RAI14: variants seen among roughly 807,000 people sequenced by gnomAD.
RAI14 encodes the protein retinoic acid induced 14, also known as ankycorbin.
Under a neutral mutation model 115.4 loss-of-function variants are expected in RAI14, and 45 were observed. The observed-to-expected ratio is 0.39, with a 90% CI of 0.31 to 0.50. The LOEUF is 0.50. RAI14 is among the 20% of genes least tolerant of loss of function. The probability of loss-of-function intolerance (pLI) is 0.85; values close to 1 mark genes in which losing one functional copy is unlikely to be tolerated. For missense variants in RAI14, 939 were observed against 1,131.2 expected (o/e 0.83, Z 2.44); for synonymous variants, 371 against 415.4 (o/e 0.89, Z 1.30).
intron 2 of RAI14, among the ~76,000 whole-genome samples, chr5:34,706,395 G>C (rs1035790122): frequency 1.3e-5 from 2 of 152,052 alleles, no homozygotes; most frequent in African/African-American, 4.8e-5. Context: ...TTCTTAAAAG[G>C]TAAATATAAA....
chr5:34,828,174 G>A (rs1757637359), intron 16 of RAI14, among the ~76,000 whole-genome samples: 1 of 152,156 alleles, frequency 6.6e-6, no homozygotes, highest in African/African-American at 2.4e-5. Flanking sequence ...TAGGGGTTGG[G>A]GGAAGCCTGA....
chr5:34,760,834 T>G (rs1015859141), intron 3 of RAI14, among the ~76,000 whole-genome samples: 2 of 152,224 alleles, frequency 1.3e-5, no homozygotes, highest in Non-Finnish European at 2.9e-5. Context: ...TGTCACTTTC[T>G]AGTTCTAGAA....
At chr5:34,758,183 A>G (rs1225052973) in intron 3 of RAI14, among the ~76,000 whole-genome samples, 1 of 152,064 alleles carries the variant, frequency 6.6e-6, no homozygotes, top group Non-Finnish European at 1.5e-5. Context: ...TCTCACAGGA[A>G]CTCTATCACT....
intron 2 of RAI14, among the ~76,000 whole-genome samples, chr5:34,725,034 G>GGA (rs148539202): frequency 6.6e-6 from 1 of 151,374 alleles, no homozygotes; most frequent in Non-Finnish European, 1.5e-5. Context: ...AGAAGCCATT[G>GGA]GAGAGAGAGA....
At chr5:34,706,850 T>C (rs191629055) in intron 2 of RAI14, among the ~76,000 whole-genome samples, 1 of 152,224 alleles carries the variant, frequency 6.6e-6, no homozygotes, top group Admixed American at 6.5e-5. Flanking sequence ...TCATGAAAAA[T>C]AGCCCTTTTC....
At chr5:34,775,068 T>C (rs1352796597) in intron 3 of RAI14, among the ~76,000 whole-genome samples, 1 of 152,114 alleles carries the variant, frequency 6.6e-6, no homozygotes, top group Non-Finnish European at 1.5e-5. Context: ...TCTCCATATA[T>C]AGAAGAATGA....
chr5:34,683,949 G>A (rs540160715), intron 1 of RAI14, among the ~76,000 whole-genome samples: 1 of 152,086 alleles, frequency 6.6e-6, no homozygotes, highest in Non-Finnish European at 1.5e-5. Flanking sequence ...GGATGATCTC[G>A]ATTTCCTGAC....
At chr5:34,740,059 TTAAAA>T (rs1389424519) in intron 2 of RAI14, among the ~76,000 whole-genome samples, 4 of 151,920 alleles carry the variant, frequency 2.6e-5, no homozygotes, top group African/African-American at 9.7e-5. Context: ...TCTCAAAAAA[TTAAAA>T]TAAAAGCTAC....
intron 1 of RAI14, among the ~76,000 whole-genome samples, chr5:34,677,397 C>T (rs557721979): frequency 2.1e-4 from 32 of 152,054 alleles, no homozygotes; most frequent in African/African-American, 6.8e-4. Flanking sequence ...CTTCTGCACC[C>T]GCCTTGCCCT....
rs865861794 is a variant in RAI14, at chr5:34,824,104, T to A, written c.2262T>A (p.Leu754=). 1 of 1,613,928 alleles carries A rather than the reference T, an allele frequency of 6.2e-7. No homozygotes were observed. The highest frequency in any genetic ancestry group is 8.5e-7 in the Non-Finnish European group (1 of 1,179,988). Residue 754 remains leucine (L), a synonymous_variant, in exon 15 of 18, where the codon CTT becomes CTA. Transcript: ENST00000265109. ...AGATGGAAGAAAAAATAAGCAATCT[T>A]AAGGAACACCTTGCAAGCAAGGAAG... ...AKEMEEKISN[L]KEHLASKEVE... is the part of the protein sequence containing the mutation.
chr5:34,681,244 G>T (rs1744358700), intron 1 of RAI14, among the ~76,000 whole-genome samples: 1 of 152,166 alleles, frequency 6.6e-6, no homozygotes, highest in African/African-American at 2.4e-5. Context: ...CATTTTTGTT[G>T]CAGAGAGATT....
intron 7 of RAI14, 109 bp downstream of exon 7, chr5:34,808,763 G>A (rs1328163679): frequency 1.9e-5 from 19 of 1,012,664 alleles, no homozygotes; most frequent in Non-Finnish European, 2.7e-5. Context: ...CAACCTTTTT[G>A]GCATCAGGGG....
chr5:34,753,782 CAT>C (rs1747477234), intron 2 of RAI14, among the ~76,000 whole-genome samples: 2 of 152,082 alleles, frequency 1.3e-5, no homozygotes, highest in Admixed American at 6.6e-5. Context: ...GGCGTGGTGG[CAT>C]GTGCCTGTAG....
At chr5:34,699,981 C>T (rs1739841760) in intron 2 of RAI14, among the ~76,000 whole-genome samples, 1 of 151,946 alleles carries the variant, frequency 6.6e-6, no homozygotes, top group South Asian at 2.1e-4. Flanking sequence ...GCTTCTGGTG[C>T]TAGAGATAAG....
At chr5:34,744,044 G>A (rs191275966) in intron 2 of RAI14, among the ~76,000 whole-genome samples, 3 of 152,330 alleles carry the variant, frequency 2.0e-5, no homozygotes, top group East Asian at 3.9e-4. Context: ...GATACTTCAT[G>A]TGAAATGTGT....
intron 2 of RAI14, among the ~76,000 whole-genome samples, chr5:34,703,554 A>G (rs1251999009): frequency 6.6e-6 from 1 of 152,210 alleles, no homozygotes; most frequent in Admixed American, 6.5e-5. Flanking sequence ...AGATATAAAC[A>G]AGGGTGAGAA....
intron 3 of RAI14, among the ~76,000 whole-genome samples, chr5:34,767,048 C>T (rs1373599442): frequency 6.6e-6 from 1 of 152,168 alleles, no homozygotes; most frequent in Admixed American, 6.5e-5. Context: ...TGAGGCCTCC[C>T]CAGCCATGTG....
chr5:34,680,570 A>G (rs1354383039), intron 1 of RAI14, among the ~76,000 whole-genome samples: 2 of 152,202 alleles, frequency 1.3e-5, no homozygotes, highest in Admixed American at 6.5e-5. Context: ...TCTGGAGGAC[A>G]CATTCACACC....
At chr5:34,803,477 A>G (rs1299676055) in intron 4 of RAI14, among the ~76,000 whole-genome samples, 1 of 152,152 alleles carries the variant, frequency 6.6e-6, no homozygotes, top group Non-Finnish European at 1.5e-5. Flanking sequence ...GGATCACTTT[A>G]GCCTGGGAGG....
Sources: allele counts gnomAD v4.1 joint callset (sites outside exome capture counted in the v4.1 genomes callset), GRCh38; gene constraint gnomAD v4.1.1; transcripts MANE v1.5; gene names NCBI Gene and HGNC (gene_info 2026-07-23, HGNC 2026-07-21).